The following TTC28 variants were observed in gnomAD, a reference collection of about 807,000 sequenced individuals.
The protein encoded by TTC28 is tetratricopeptide repeat domain 28.
In TTC28, 61 loss-of-function variants were observed where a neutral mutation model predicts 198.0. That is an observed-to-expected ratio of 0.31 (90% CI 0.25 to 0.38). The LOEUF is 0.38. TTC28 is among the 10% of genes least tolerant of loss of function. The pLI, the probability that TTC28 is intolerant of heterozygous loss-of-function variation, is 1.00. For missense variants in TTC28, 2,678 were observed against 3,164.0 expected (o/e 0.85, Z 3.69); for synonymous variants, 1,171 against 1,297.8 (o/e 0.90, Z 2.10).
At chr22:28,593,469 CTAGG>C (rs10542907) in intron 2 of TTC28, among the ~76,000 whole-genome samples, 57,627 of 148,124 alleles carry the variant, frequency 0.39, 11,439 homozygotes, top group South Asian at 0.5. Flanking sequence ...AGGTAGGTAG[CTAGG>C]TAGGTAGGTA....
intron 2 of TTC28, among the ~76,000 whole-genome samples, chr22:28,548,362 G>A (rs2049588055): frequency 6.6e-6 from 1 of 152,172 alleles, no homozygotes; most frequent in Admixed American, 6.5e-5. Context: ...AGGGTAAGCG[G>A]AGAGACCTTC....
At chr22:28,605,951 T>C (rs1487041886) in intron 2 of TTC28, among the ~76,000 whole-genome samples, 2 of 152,186 alleles carry the variant, frequency 1.3e-5, no homozygotes, top group Non-Finnish European at 2.9e-5. Flanking sequence ...AGATTGTTAA[T>C]GTTCTCACCA....
intron 2 of TTC28, among the ~76,000 whole-genome samples, chr22:28,328,112 T>C (rs552418708): frequency 1.3e-5 from 2 of 152,246 alleles, no homozygotes; most frequent in African/African-American, 4.8e-5. Flanking sequence ...TAAAGAATAA[T>C]TAAGAAGGAG....
intron 6 of TTC28, among the ~76,000 whole-genome samples, chr22:28,158,565 A>G (rs1266023067): frequency 6.6e-6 from 1 of 152,210 alleles, no homozygotes; most frequent in African/African-American, 2.4e-5. Flanking sequence ...AAAAACAGAC[A>G]CACAGACCAA....
At chr22:28,466,820 T>TACACACAC (rs58512456) in intron 2 of TTC28, among the ~76,000 whole-genome samples, 21,092 of 143,688 alleles carry the variant, frequency 0.15, 1,570 homozygotes, top group East Asian at 0.2. Flanking sequence ...TATACATACA[T>TACACACAC]ACACACACAC....
chr22:28,428,872 C>T (rs2047393163), intron 2 of TTC28, among the ~76,000 whole-genome samples: 1 of 151,998 alleles, frequency 6.6e-6, no homozygotes, highest in South Asian at 2.1e-4. Context: ...GATCTCCTGA[C>T]CTCGTGATCT....
intron 2 of TTC28, among the ~76,000 whole-genome samples, chr22:28,429,089 C>T (rs2047396332): frequency 1.3e-5 from 2 of 152,186 alleles, no homozygotes; most frequent in Admixed American, 6.5e-5. Context: ...AAATAGCCAG[C>T]ACCTGGCACA....
In TTC28 at chr22:28,286,389, T is replaced by C. The variant is rs572705312; in HGVS notation, c.933+9809A>G. Among the ~76,000 whole-genome samples, 69 of 152,294 alleles carry C rather than the reference T, an allele frequency of 4.5e-4. No homozygotes were observed. In the South Asian group the frequency reaches 0.014, roughly 31 times the overall value. Reference sequence around the variant, plus strand: ...AATATTATCACTACATTAAACAATATAAAAAATTAATGAGATACTTTACAT... The same window carrying C: ...AATATTATCACTACATTAAACAATACAAAAAATTAATGAGATACTTTACAT... On this transcript the variant is annotated intron_variant, in intron 5 of 22. Coordinates refer to ENST00000397906, the MANE Select transcript of TTC28 (RefSeq NM_001145418.2).
At chr22:28,178,217 G>A (rs770001276) in intron 5 of TTC28, among the ~76,000 whole-genome samples, 9 of 151,906 alleles carry the variant, frequency 5.9e-5, no homozygotes, top group Non-Finnish European at 1.3e-4. Context: ...CACTTTGGGA[G>A]GCCGTGGTGG....
At position 28,571,437 on chromosome 22, in the gene TTC28, T is replaced by C. The variant is rs1375233475; in HGVS notation, c.381+58115A>G. 2.6e-5 allele frequency among the ~76,000 whole-genome samples: 4 copies of C among 152,230 alleles called. No individual in the cohort carries two copies. The East Asian group carries it at 7.7e-4, about 29-fold the overall frequency. On this transcript the variant is annotated intron_variant, in intron 2 of 22. Coordinates refer to ENST00000397906, the MANE Select transcript of TTC28 (RefSeq NM_001145418.2). The stretch of plus-strand genomic sequence containing the variant: ...ATGTTTAAAAATTAAGAATTTACTT[T>C]GCTCTCAAATCAAGACCCCACCATA...
At chr22:28,628,256 T>C (rs1349491244) in intron 2 of TTC28, among the ~76,000 whole-genome samples, 1 of 152,174 alleles carries the variant, frequency 6.6e-6, no homozygotes, top group Non-Finnish European at 1.5e-5. Context: ...AAATATCCAT[T>C]AACCTTTGTT....
chr22:28,387,288 A>G (rs2146046623), intron 2 of TTC28, among the ~76,000 whole-genome samples: 1 of 152,292 alleles, frequency 6.6e-6, no homozygotes, highest in East Asian at 1.9e-4. Flanking sequence ...ATTGTGAATA[A>G]TGCCGCAATA....
At chr22:28,473,562 T>C (rs1300175389) in intron 2 of TTC28, among the ~76,000 whole-genome samples, 2 of 152,184 alleles carry the variant, frequency 1.3e-5, no homozygotes, top group Non-Finnish European at 2.9e-5. Context: ...GATTTGCATA[T>C]AATTAAAAGT....
chr22:28,146,121 T>C (rs1943464327), intron 6 of TTC28, among the ~76,000 whole-genome samples: 1 of 152,176 alleles, frequency 6.6e-6, no homozygotes, highest in Non-Finnish European at 1.5e-5. Context: ...ATAAGGTCAC[T>C]CTAGCTATAA....
intron 2 of TTC28, among the ~76,000 whole-genome samples, chr22:28,412,320 T>C (rs2047093358): frequency 6.6e-6 from 1 of 151,328 alleles, no homozygotes; most frequent in Non-Finnish European, 1.5e-5. Flanking sequence ...CAGTTCATCC[T>C]CCACCATGCA....
At chr22:28,341,653 G>T (rs138792724) in intron 2 of TTC28, among the ~76,000 whole-genome samples, 1 of 151,942 alleles carries the variant, frequency 6.6e-6, no homozygotes, top group Non-Finnish European at 1.5e-5. Flanking sequence ...TTAGCGGGGC[G>T]TGGTGGCATG....
At chr22:28,460,093 C>T (rs1054426270) in intron 2 of TTC28, 52 of 152,030 alleles carry the variant, frequency 3.4e-4, no homozygotes, top group African/African-American at 1.2e-3. Flanking sequence ...AACTCAGAGT[C>T]GACAGAACAG....
intron 12 of TTC28, among the ~76,000 whole-genome samples, chr22:28,036,436 T>C (rs1939350814): frequency 1.3e-5 from 2 of 152,074 alleles, no homozygotes; most frequent in South Asian, 2.1e-4. Flanking sequence ...CGTAACAAAA[T>C]GAAGGCAGAA....
chr22:28,534,326 T>C (rs2049215135), intron 2 of TTC28, among the ~76,000 whole-genome samples: 1 of 152,188 alleles, frequency 6.6e-6, no homozygotes, highest in Non-Finnish European at 1.5e-5. Context: ...TTATCATCAC[T>C]GGCCATCAGA....
Sources: allele counts gnomAD v4.1 joint callset (sites outside exome capture counted in the v4.1 genomes callset), GRCh38; gene constraint gnomAD v4.1.1; transcripts MANE v1.5; gene names NCBI Gene and HGNC (gene_info 2026-07-23, HGNC 2026-07-21).